The following CATSPERG variants were observed in gnomAD, a reference collection of about 807,000 sequenced individuals.
CATSPERG encodes cation channel sperm-associated auxiliary subunit gamma.
In CATSPERG, 115 loss-of-function variants were observed where a neutral mutation model predicts 145.0. That is an observed-to-expected ratio of 0.79 (90% CI 0.68 to 0.93). The LOEUF (loss-of-function observed/expected upper bound fraction) is 0.93. Among genes scored for constraint, CATSPERG ranks in the 40% least tolerant of loss-of-function variants. The pLI, the probability that CATSPERG is intolerant of heterozygous loss-of-function variation, is 0.00. For synonymous variants in CATSPERG, 588 were observed against 589.0 expected, an observed-to-expected ratio of 1.00 and a Z score of 0.02; for missense variants, 1,296 against 1,490.1, an observed-to-expected ratio of 0.87 and a Z score of 2.14.
At chr19:38,359,029 T>C (rs113309939) in intron 13 of CATSPERG, among the ~76,000 whole-genome samples, 77 of 152,176 alleles carry the variant, frequency 5.1e-4, no homozygotes, top group African/African-American at 1.3e-3. Flanking sequence ...TTTGTATTTT[T>C]AGTAGAGACG....
chr19:38,370,152 C>T lies in CATSPERG; in HGVS notation c.3114-7C>T. The T allele has an allele frequency of 6.2e-7, 1 of 1,613,810 alleles. No homozygotes were observed. Among genetic ancestry groups the T allele is most frequent in the Non-Finnish European group, 8.5e-7 (1 of 1,179,888 alleles). On this transcript the variant is annotated splice_polypyrimidine_tract_variant and splice_region_variant and intron_variant, in intron 27 of 28. Transcript: ENST00000409235. ...TCTAATCCTGGATCCCCTCCCAACC[C>T]CTGCAGAGGAGTGGACACGAGCACC... is the stretch of plus-strand genomic sequence containing the variant.
At chr19:38,365,170 T>C in intron 22 of CATSPERG, 53 bp downstream of exon 22, 1 of 1,468,934 alleles carries the variant, frequency 6.8e-7, no homozygotes, top group Non-Finnish European at 9.5e-7. Flanking sequence ...GGGTCGGGTC[T>C]CAACAGGGCT....
chr19:38,345,473 G>A (rs1415282406), intron 6 of CATSPERG, among the ~76,000 whole-genome samples: 6 of 150,796 alleles, frequency 4.0e-5, no homozygotes, highest in East Asian at 4.0e-4. Context: ...GATTACAGGC[G>A]TGAGCCACTG....
intron 3 of CATSPERG, among the ~76,000 whole-genome samples, chr19:38,340,175 G>A (rs1035565442): frequency 1.1e-4 from 16 of 151,906 alleles, no homozygotes; most frequent in Admixed American, 9.2e-4. Context: ...TTCTTTCCCC[G>A]CTGAATTGTC....
chr19:38,338,375 C>G (rs1209083033), intron 3 of CATSPERG, among the ~76,000 whole-genome samples: 1 of 151,704 alleles, frequency 6.6e-6, no homozygotes, highest in Non-Finnish European at 1.5e-5. Context: ...GTCTCGATCT[C>G]CTGACCTCGT....
intron 9 of CATSPERG, among the ~76,000 whole-genome samples, chr19:38,355,200 T>A (rs1234157643): frequency 6.8e-6 from 1 of 146,510 alleles, no homozygotes; most frequent in Non-Finnish European, 1.5e-5. Flanking sequence ...AAAAAATTAG[T>A]TGGGCGTGGT....
chr19:38,345,830 T>C (rs890626843), intron 6 of CATSPERG, among the ~76,000 whole-genome samples: 2 of 152,130 alleles, frequency 1.3e-5, no homozygotes, highest in Non-Finnish European at 2.9e-5. Context: ...ATATTCTTAA[T>C]CCCGATGCAT....
chr19:38,360,552 G>A lies in CATSPERG; in HGVS notation c.1672G>A (p.Val558Met). ...GCTGTTCCCTTCCAAGGGCTGGCAG[G>A]TGCACATCAGCTTAAAGCTGATGCA... ...YQLFPSKGWQ[V>M]HISLKLMQQS... is the part of the protein sequence containing the mutation. The change falls in exon 15 of 29, where the codon GTG becomes ATG. Residue 558 changes from valine (V) to methionine (M), a missense_variant. Val to Met is a conservative substitution (Grantham distance 21, BLOSUM62 1). Transcript: ENST00000409235. 2 of 1,614,178 alleles carry A rather than the reference G, an allele frequency of 1.2e-6. No homozygotes were observed. The highest frequency in any genetic ancestry group is 1.7e-6 in the Non-Finnish European group (2 of 1,180,018).
At chr19:38,336,150 G>T (rs1446501963) in intron 1 of CATSPERG, 1 of 456,006 alleles carries the variant, frequency 2.2e-6, no homozygotes, top group Non-Finnish European at 4.4e-6. Flanking sequence ...GGCATGGGAA[G>T]GAAGAGTAAG....
chr19:38,350,288 T>C (rs1214835364), intron 7 of CATSPERG, among the ~76,000 whole-genome samples: 1 of 152,120 alleles, frequency 6.6e-6, no homozygotes, highest in Non-Finnish European at 1.5e-5. Flanking sequence ...GAGAAGAAAA[T>C]TTATTGGTTC....
chr19:38,358,394 C>G, intron 12 of CATSPERG, 38 bp from the exon 13 acceptor site: 1 of 1,614,114 alleles, frequency 6.2e-7, no homozygotes, highest in East Asian at 2.2e-5. Flanking sequence ...GGTGACTCCA[C>G]TTCACTGCTG....
At chr19:38,364,669 C>T (rs1411253311) in intron 20 of CATSPERG, among the ~76,000 whole-genome samples, 1 of 152,248 alleles carries the variant, frequency 6.6e-6, no homozygotes, top group Non-Finnish European at 1.5e-5. Flanking sequence ...TCTGCAATCC[C>T]GGCACCTCGG....
At chr19:38,348,477 G>GTTT (rs113503852) in intron 7 of CATSPERG, among the ~76,000 whole-genome samples, 1 of 118,162 alleles carries the variant, frequency 8.5e-6, no homozygotes, top group Non-Finnish European at 1.7e-5. Context: ...TTTTTTTTTT[G>GTTT]TTTTTTTTTT....
chr19:38,337,029 G>T, intron 1 of CATSPERG, 192 bp from the exon 2 acceptor site: 1 of 667,108 alleles, frequency 1.5e-6, no homozygotes, highest in Non-Finnish European at 2.5e-6. Context: ...GGGGCTAAAA[G>T]TCCGTGCGGG....
intron 1 of CATSPERG, chr19:38,336,370 GC>G: frequency 2.8e-6 from 1 of 356,946 alleles, no homozygotes; most frequent in South Asian, 2.0e-5. Context: ...GGGGCGACGG[GC>G]CCGCGCGGGA....
intron 6 of CATSPERG, among the ~76,000 whole-genome samples, 170 bp from the exon 7 acceptor site, chr19:38,346,280 G>A (rs976612320): frequency 3.9e-5 from 6 of 152,192 alleles, no homozygotes; most frequent in Admixed American, 6.6e-5. Flanking sequence ...GAGGCCTTGT[G>A]GCTGGGAGAG....
In CATSPERG at chr19:38,366,992, C is replaced by T. The variant is rs1970461088; in HGVS notation, c.2614-164C>T. ...TACAGGCATGAGCCACTGCACCAGG[C>T]CGTGTTAATGATATTAATGACCATA... On this transcript the variant is annotated intron_variant, in intron 22 of 28. Coordinates refer to ENST00000409235, the MANE Select transcript of CATSPERG (RefSeq NM_021185.5). 4.7e-6 allele frequency: 3 copies of T among 638,812 alleles called. No individual in the cohort carries two copies. In the African/African-American group the frequency reaches 5.5e-5, roughly 12 times the overall value. 39.6% of individuals were successfully genotyped at this position (638,812 alleles called of 1,614,324 possible). A position where few individuals can be genotyped will look rare whatever the true frequency, so the allele number is the denominator to read the frequency against.
intron 9 of CATSPERG, 29 bp from the exon 10 acceptor site, chr19:38,356,444 AGGGAGAGGGCC>A (rs1970244178): frequency 1.2e-6 from 2 of 1,603,994 alleles, no homozygotes; most frequent in Admixed American, 3.4e-5. Flanking sequence ...GCCAGACAGG[AGGGAGAGGGCC>A]TGAACATGAA....
At chr19:38,361,604 G>A (rs1970345542) in intron 16 of CATSPERG, 44 bp from the exon 17 acceptor site, 1 of 1,504,538 alleles carries the variant, frequency 6.6e-7, no homozygotes, top group Non-Finnish European at 9.1e-7. Context: ...CCAGTGCGCG[G>A]GGTGCCTTAG....
Sources: allele counts gnomAD v4.1 joint callset (sites outside exome capture counted in the v4.1 genomes callset), GRCh38; gene constraint gnomAD v4.1.1; transcripts MANE v1.5; gene names NCBI Gene and HGNC (gene_info 2026-07-23, HGNC 2026-07-21).